EFR3A: variants seen among roughly 807,000 people sequenced by gnomAD.
EFR3A encodes the protein protein EFR3 homolog A.
A neutral mutation model predicts 104.4 loss-of-function variants in EFR3A; 76 were observed. The ratio of observed to expected loss-of-function variants is 0.73; its 90% CI spans 0.60 to 0.88. EFR3A has a LOEUF of 0.88. Among genes scored for constraint, EFR3A ranks in the 40% least tolerant of loss-of-function variants. EFR3A has a pLI of 0.00. For synonymous variants in EFR3A, 330 were observed against 330.0 expected (o/e 1.00, Z 0.00); for missense variants, 985 against 1,012.5 (o/e 0.97, Z 0.37).
intron 8 of EFR3A, among the ~76,000 whole-genome samples, chr8:131,966,236 CAAA>C (rs574314909): frequency 8.6e-5 from 13 of 151,342 alleles, no homozygotes; most frequent in South Asian, 2.1e-4. Context: ...TAAAAAGCAA[CAAA>C]AAAAAGAGTT....
At chr8:131,987,449 T>A (rs1216223523) in intron 17 of EFR3A, 126 bp from the exon 18 acceptor site, 2 of 1,056,868 alleles carry the variant, frequency 1.9e-6, no homozygotes, top group Non-Finnish European at 2.6e-6. Flanking sequence ...ATTTTTCTGC[T>A]ACTACAGTTT....
chr8:131,948,461 T>C (rs1184351696), intron 4 of EFR3A, among the ~76,000 whole-genome samples: 1 of 152,128 alleles, frequency 6.6e-6, no homozygotes, highest in African/African-American at 2.4e-5. Flanking sequence ...TCAAAACTCT[T>C]AATATGATTT....
chr8:131,985,065 T>C lies in EFR3A; in HGVS notation c.1869+5T>C. On this transcript the variant is annotated splice_donor_5th_base_variant and intron_variant, in intron 16 of 22. Coordinates refer to ENST00000254624, the MANE Select transcript of EFR3A (RefSeq NM_015137.6). ...TTTTGCCAGCATGTTAGCAAGGTAA[T>C]GTATTTAGAAAAGTCCTTAAACTTG... 6.2e-7 allele frequency: 1 copy of C among 1,611,458 alleles called. No individual in the cohort carries two copies. Among genetic ancestry groups the C allele is most frequent in the African/African-American group, 1.3e-5 (1 of 74,974 alleles).
intron 21 of EFR3A, among the ~76,000 whole-genome samples, chr8:132,002,949 T>C (rs895030297): frequency 1.3e-5 from 2 of 152,204 alleles, no homozygotes; most frequent in African/African-American, 4.8e-5. Flanking sequence ...TGTTATTGTT[T>C]TGATAGTTTT....
chr8:131,923,467 G>A (rs537283320), intron 1 of EFR3A, among the ~76,000 whole-genome samples: 1 of 148,636 alleles, frequency 6.7e-6, no homozygotes, highest in African/African-American at 2.5e-5. Flanking sequence ...TAAACTTCAC[G>A]GCCTTTAAAA....
At chr8:131,917,409 C>T (rs550787341) in intron 1 of EFR3A, among the ~76,000 whole-genome samples, 230 of 152,300 alleles carry the variant, frequency 1.5e-3, no homozygotes, top group Non-Finnish European at 3.0e-3. Flanking sequence ...TATTGTTCAG[C>T]CTGTCCTGAT....
At position 131,904,093 on chromosome 8, in the gene EFR3A, G is replaced by T; in HGVS notation, c.-220G>T. 2.3e-6 allele frequency: 1 copy of T among 432,466 alleles called. No individual in the cohort carries two copies. Among genetic ancestry groups the T allele is most frequent in the Non-Finnish European group, 3.8e-6 (1 of 266,044 alleles). The allele number at this position is 432,466 out of a possible 1,614,324, so 26.8% of individuals were successfully genotyped here. On this transcript the variant is annotated 5_prime_UTR_variant, in exon 1 of 23. Transcript: ENST00000254624. ...CGCGCTGACGTAACGGGCGTGGGTCGTCCGTCGCGCCGCCCGGCGAGGAGT... is the reference window on the plus strand; with the variant it reads ...CGCGCTGACGTAACGGGCGTGGGTCTTCCGTCGCGCCGCCCGGCGAGGAGT...
chr8:131,968,052 G>C (rs530957134), intron 8 of EFR3A, among the ~76,000 whole-genome samples: 6 of 152,032 alleles, frequency 3.9e-5, no homozygotes, highest in African/African-American at 1.4e-4. Context: ...AAACTAGATT[G>C]AATTTTATTA....
intron 7 of EFR3A, among the ~76,000 whole-genome samples, chr8:131,956,644 A>G (rs1314600758): frequency 6.6e-6 from 1 of 152,300 alleles, no homozygotes; most frequent in Admixed American, 6.5e-5. Context: ...TCTAAATGTA[A>G]CATCCAGAAT....
chr8:131,988,760 T>G (rs1314369638), intron 18 of EFR3A, among the ~76,000 whole-genome samples: 1 of 152,158 alleles, frequency 6.6e-6, no homozygotes, highest in Non-Finnish European at 1.5e-5. Context: ...GTTGTCAGTT[T>G]GGCCTGCCTT....
In EFR3A at chr8:131,967,165, C is replaced by T. The variant is rs564514696; in HGVS notation, c.856-1130C>T. 1.8e-3 allele frequency among the ~76,000 whole-genome samples: 278 copies of T among 152,280 alleles called. 2 individuals are homozygous for T. Among genetic ancestry groups the T allele is most frequent in the African/African-American group, 6.5e-3 (270 of 41,560 alleles). ...GTTTTGTGTGTGTCTTCCTGCCTAA[C>T]ATTCATCTATTTTAACATAACTTTA... On this transcript the variant is annotated intron_variant, in intron 8 of 22. Transcript: ENST00000254624.
At chr8:131,997,920 A>G (rs1039496577) in intron 19 of EFR3A, among the ~76,000 whole-genome samples, 2 of 152,112 alleles carry the variant, frequency 1.3e-5, no homozygotes, top group Non-Finnish European at 2.9e-5. Context: ...ACATTTGCAT[A>G]AAGACTCAAT....
At chr8:131,914,052 T>C (rs916054810) in intron 1 of EFR3A, among the ~76,000 whole-genome samples, 1 of 152,230 alleles carries the variant, frequency 6.6e-6, no homozygotes, top group African/African-American at 2.4e-5. Context: ...AAATGCTTTA[T>C]GAACATGTTG....
rs567164026 is a variant in EFR3A, at chr8:131,963,312, A to G, written c.855+3649A>G. 1.8e-3 allele frequency among the ~76,000 whole-genome samples: 281 copies of G among 152,306 alleles called. 2 individuals are homozygous for G. Among genetic ancestry groups the G allele is most frequent in the African/African-American group, 6.5e-3 (272 of 41,552 alleles). Reference sequence around the variant, plus strand: ...TTTTTTGAAAAGATCAACAAAATTGATAGACTGCTAGCAAGACTAATACAG... The same window carrying G: ...TTTTTTGAAAAGATCAACAAAATTGGTAGACTGCTAGCAAGACTAATACAG... On this transcript the variant is annotated intron_variant, in intron 8 of 22. Coordinates refer to ENST00000254624, the MANE Select transcript of EFR3A (RefSeq NM_015137.6).
chr8:131,977,009 AGTAT>A (rs771500074), intron 11 of EFR3A, 28 bp from the exon 12 acceptor site: 1 of 1,442,470 alleles, frequency 6.9e-7, no homozygotes, highest in Non-Finnish European at 9.6e-7. Context: ...AATGCTAATT[AGTAT>A]AATAATTCAG....
chr8:131,991,080 C>T (rs547461378), intron 18 of EFR3A, among the ~76,000 whole-genome samples: 10 of 152,234 alleles, frequency 6.6e-5, no homozygotes, highest in South Asian at 2.1e-4. Context: ...TACAGTTCCA[C>T]GTGGCTGGGG....
At chr8:131,996,930 T>A (rs1401836436) in intron 19 of EFR3A, among the ~76,000 whole-genome samples, 1 of 152,086 alleles carries the variant, frequency 6.6e-6, no homozygotes, top group East Asian at 1.9e-4. Flanking sequence ...GCTGACTACC[T>A]TTGAAAAGTT....
rs565714375 is a variant in EFR3A at position 131,970,549 on chromosome 8, T to C, written c.1065T>C (p.Asp355=). ...LRLSVEFEAN[D]LQGGSVGSVN... is the part of the protein sequence containing the mutation. ...TCAGCGTTGAATTCGAAGCAAATGA[T>C]TTACAGGGGGGATCTGTAGGCAGTG... The change falls in exon 10 of 23, where the codon GAT becomes GAC. Residue 355 remains aspartate (D), a synonymous_variant. Transcript: ENST00000254624. 1.9e-6 allele frequency: 3 copies of C among 1,613,754 alleles called. No homozygotes were observed. Among genetic ancestry groups the C allele is most frequent in the Non-Finnish European group, 2.5e-6 (3 of 1,179,806 alleles).
At position 131,978,992 on chromosome 8, in the gene EFR3A, A is replaced by T. The variant is rs1326781439; in HGVS notation, c.1472A>T (p.Asp491Val). The T allele has an allele frequency of 6.2e-7, 1 of 1,611,172 alleles. No homozygotes were observed. The highest frequency in any genetic ancestry group is 8.5e-7 in the Non-Finnish European group (1 of 1,178,728). ...EVMHNLMDRH[D>V]NRAKLRGIRI... ...ATGCATAATCTCATGGATCGTCATG[A>T]CAATAGGGCAAAGCTTCGAGGGATC... The change falls in exon 13 of 23, where the codon GAC (aspartate) becomes GTC (valine). Residue 491 changes from aspartate to valine, a missense_variant. Physicochemically the swap from Asp to Val is radical, Grantham distance 152. Transcript: ENST00000254624.
Sources: gnomAD v4.1 joint callset for allele counts (sites outside exome capture counted in the v4.1 genomes callset) on GRCh38, gnomAD v4.1.1 for gene constraint, MANE v1.5 for transcripts, NCBI Gene and HGNC (gene_info 2026-07-23, HGNC 2026-07-21) for gene names.